The following GRID2IP variants were observed in gnomAD, a reference collection of about 807,000 sequenced individuals.
GRID2IP encodes delphilin.
Under a neutral mutation model 114.3 loss-of-function variants are expected in GRID2IP, and 78 were observed. The observed-to-expected ratio is 0.68, with a 90% CI of 0.57 to 0.82. The LOEUF is 0.82. Among genes scored for constraint, GRID2IP ranks in the 40% least tolerant of loss-of-function variants. GRID2IP has a pLI of 0.00. For synonymous variants in GRID2IP, 809 were observed against 724.0 expected (o/e 1.12, Z -1.89); for missense variants, 1,727 against 1,678.5 (o/e 1.03, Z -0.51).
intron 16 of GRID2IP, 36 bp downstream of exon 16, chr7:6,503,455 G>T: frequency 6.7e-7 from 1 of 1,482,744 alleles, no homozygotes; most frequent in East Asian, 2.6e-5. Flanking sequence ...CTGTGGAGCC[G>T]GCCGAGGCCT....
intron 15 of GRID2IP, 122 bp from the exon 16 acceptor site, chr7:6,503,809 G>A (rs1786490519): frequency 1.0e-5 from 7 of 667,320 alleles, no homozygotes; most frequent in Non-Finnish European, 1.7e-5. Context: ...TAGGGGAGAG[G>A]ACGGGGCCTT....
At chr7:6,549,232 G>C (rs1779931242) in intron 1 of GRID2IP, among the ~76,000 whole-genome samples, 1 of 152,120 alleles carries the variant, frequency 6.6e-6, no homozygotes, top group Non-Finnish European at 1.5e-5. Flanking sequence ...TGCAAATCAG[G>C]GGTTGCTTGG....
chr7:6,503,667 T>C lies in GRID2IP; in HGVS notation c.2731A>G (p.Lys911Glu). The C allele has an allele frequency of 1.3e-6, 2 of 1,508,228 alleles. No homozygotes were observed. Among genetic ancestry groups the C allele is most frequent in the Non-Finnish European group, 1.8e-6 (2 of 1,135,648 alleles). The allele number at this position is 1,508,228 out of a possible 1,614,324, so 93.4% of individuals were successfully genotyped here. A position where few individuals can be genotyped will look rare whatever the true frequency, so the allele number is the denominator to read the frequency against. Residue 911 changes from lysine to glutamate, a missense_variant, in exon 16 of 22, where the codon AAG becomes GAG. Physicochemically the swap from Lys to Glu is moderately conservative, Grantham distance 56. Coordinates refer to ENST00000457091, the MANE Select transcript of GRID2IP (RefSeq NM_001145118.2). ...YNTSILLAHL[K>E]LSPAELRQVL... ...TGGCGCAGCTCCGCGGGGCTCAGCT[T>C]CAGGTGTGCCAAGAGGATGGCTGCG... is the stretch of plus-strand genomic sequence containing the variant.
At chr7:6,543,791 A>T (rs766406908) in intron 1 of GRID2IP, among the ~76,000 whole-genome samples, 5 of 150,900 alleles carry the variant, frequency 3.3e-5, no homozygotes, top group East Asian at 3.9e-4. Flanking sequence ...ATTTAATTTT[A>T]TTATTATTAT....
At position 6,497,703 on chromosome 7, in the gene GRID2IP, G is replaced by A. The variant is rs1328642860; in HGVS notation, c.*71C>T. On this transcript the variant is annotated 3_prime_UTR_variant, in exon 22 of 22. Coordinates refer to ENST00000457091, the MANE Select transcript of GRID2IP (RefSeq NM_001145118.2). Reference sequence around the variant, plus strand: ...CCGGGGCACAGTGGCCCCGGACCTCGGCAGTGTCTGGGCTGCCCTCTCGGC... The same window carrying A: ...CCGGGGCACAGTGGCCCCGGACCTCAGCAGTGTCTGGGCTGCCCTCTCGGC... The A allele has an allele frequency of 8.5e-6, 10 of 1,181,496 alleles. No individual in the cohort carries two copies. Among genetic ancestry groups the A allele is most frequent in the African/African-American group, 1.5e-5 (1 of 65,266 alleles). 73.2% of individuals were successfully genotyped at this position (1,181,496 alleles called of 1,614,324 possible).
Position 6,502,856 on chromosome 7 carries a change from C to G in GRID2IP, c.3080G>C (p.Gly1027Ala), listed in dbSNP as rs1196556738. 1 of 1,551,770 alleles carries G rather than the reference C, an allele frequency of 6.4e-7. No individual in the cohort carries two copies. The highest frequency in any genetic ancestry group is 8.7e-7 in the Non-Finnish European group (1 of 1,146,820). Residue 1027 changes from glycine to alanine, a missense_variant, in exon 18 of 22, where the codon GGC becomes GCC. Physicochemically the swap from Gly to Ala is moderately conservative, Grantham distance 60. Coordinates refer to ENST00000457091, the MANE Select transcript of GRID2IP (RefSeq NM_001145118.2). ...GGGCTGTCCATCGTTGAGATAGTTG[C>G]CCATGGCCAACACAAACTGTGGACA... ...AKILEFVLAM[G>A]NYLNDGQPKT...
intron 1 of GRID2IP, among the ~76,000 whole-genome samples, chr7:6,546,335 C>A (rs1400929713): frequency 6.6e-6 from 1 of 150,940 alleles, no homozygotes; most frequent in Non-Finnish European, 1.5e-5. Flanking sequence ...CCTCGGCCTC[C>A]CAAAGTGCTG....
chr7:6,507,761 A>G lies in GRID2IP; in HGVS notation c.2544+224T>C, dbSNP rs1786636312. Among the ~76,000 whole-genome samples, 1 of 152,216 alleles carries G rather than the reference A, an allele frequency of 6.6e-6. No individual in the cohort carries two copies. The highest frequency in any genetic ancestry group is 1.5e-5 in the Non-Finnish European group (1 of 68,044). ...CAAGGATGGGTAGGGTGGCATTTCCAGGTGTCCCCAGTGTGTGTCTTTGGC... is the reference window on the plus strand; with the variant it reads ...CAAGGATGGGTAGGGTGGCATTTCCGGGTGTCCCCAGTGTGTGTCTTTGGC... On this transcript the variant is annotated intron_variant, in intron 13 of 21. Coordinates refer to ENST00000457091, the MANE Select transcript of GRID2IP (RefSeq NM_001145118.2). The surrounding 1 kb of genome is among the most constrained non-coding windows in gnomAD (Gnocchi z 5.3).
intron 1 of GRID2IP, among the ~76,000 whole-genome samples, chr7:6,542,406 T>C (rs1310643251): frequency 6.6e-6 from 1 of 151,492 alleles, no homozygotes; most frequent in African/African-American, 2.4e-5. Context: ...GTAATCCCAG[T>C]GCTTAGGGAG....
intron 1 of GRID2IP, among the ~76,000 whole-genome samples, chr7:6,543,337 C>T (rs1779841239): frequency 1.3e-5 from 2 of 151,452 alleles, no homozygotes; most frequent in South Asian, 4.2e-4. Flanking sequence ...GCGGAGGTTG[C>T]AGTGAGCCAA....
rs951550360 is a variant in GRID2IP at position 6,498,046 on chromosome 7, G to T, written c.3564+18C>A. 1 of 1,532,888 alleles carries T rather than the reference G, an allele frequency of 6.5e-7. No homozygotes were observed. The allele number at this position is 1,532,888 out of a possible 1,614,324, so 95.0% of individuals were successfully genotyped here. ...CCACCTCTCCAAAAGGGCCCCTCAG[G>T]GCTCCAGCGAGGCTCACCTCGAATT... On this transcript the variant is annotated intron_variant, in intron 21 of 21. Transcript: ENST00000457091.
In GRID2IP at chr7:6,498,242, G is replaced by GT; in HGVS notation, c.3400-15dup. 6.5e-7 allele frequency: 1 copy of GT among 1,529,160 alleles called. No homozygotes were observed. The highest frequency in any genetic ancestry group is 1.2e-5 in the South Asian group (1 of 81,176). 94.7% of individuals were successfully genotyped at this position (1,529,160 alleles called of 1,614,324 possible). On this transcript the variant is annotated splice_polypyrimidine_tract_variant and intron_variant, in intron 20 of 21. Transcript: ENST00000457091. ...CTCCAGGAAGGACTGACAGGCCTCA[G>GT]TTAAGGAAACAGCCAGCCCGCTTGT...
In GRID2IP at chr7:6,536,403, G is replaced by C. The variant is rs937615667; in HGVS notation, c.584+3315C>G. 6.6e-6 allele frequency among the ~76,000 whole-genome samples: 1 copy of C among 152,246 alleles called. No homozygotes were observed. Among genetic ancestry groups the C allele is most frequent in the African/African-American group, 2.4e-5 (1 of 41,470 alleles). ...CAGGCTCTAAATCGAGCGCGCCCAA[G>C]GGGGTTCCCCCTCCCGCGCCCTGCC... On this transcript the variant is annotated intron_variant, in intron 2 of 21. Coordinates refer to ENST00000457091, the MANE Select transcript of GRID2IP (RefSeq NM_001145118.2). The surrounding 1 kb of genome is among the most constrained non-coding windows in gnomAD (Gnocchi z 5.3).
chr7:6,551,028 C>T lies in GRID2IP; in HGVS notation c.409G>A (p.Ala137Thr). 1.7e-6 allele frequency: 2 copies of T among 1,205,016 alleles called. No individual in the cohort carries two copies. Among genetic ancestry groups the T allele is most frequent in the Non-Finnish European group, 2.1e-6 (2 of 971,458 alleles). 74.6% of individuals were successfully genotyped at this position (1,205,016 alleles called of 1,614,324 possible). Residue 137 changes from alanine to threonine, a missense_variant, in exon 1 of 22, where the codon GCC (alanine) becomes ACC (threonine). By Grantham distance (58) the Ala-to-Thr change is moderately conservative. Transcript: ENST00000457091. ...CTTACCTTGCGGCTGAACTCTTGGG[C>T]CTTGCGCCTGCGCTCTCGGTGCACC... ...DAVHRERRRK[A>T]QEFSRKVDEI...
At position 6,513,171 on chromosome 7, in the gene GRID2IP, C is replaced by T. The variant is rs577370117; in HGVS notation, c.1423+1204G>A. On this transcript the variant is annotated intron_variant, in intron 8 of 21. Transcript: ENST00000457091. ...GCCCACCAGCCAGGTGGGATGTGGTCGTGTGCTCATGATCCTGGTGGTGGT... is the reference window on the plus strand; with the variant it reads ...GCCCACCAGCCAGGTGGGATGTGGTTGTGTGCTCATGATCCTGGTGGTGGT... 8.8e-4 allele frequency among the ~76,000 whole-genome samples: 134 copies of T among 152,164 alleles called. No homozygotes were observed. In the Middle Eastern group the frequency reaches 0.014, roughly 16 times the overall value.
rs770204733 is a variant in GRID2IP, at chr7:6,534,445, C to T, written c.584+5273G>A. Among the ~76,000 whole-genome samples, 2 of 152,180 alleles carry T rather than the reference C, an allele frequency of 1.3e-5. No individual in the cohort carries two copies. Among genetic ancestry groups the T allele is most frequent in the African/African-American group, 2.4e-5 (1 of 41,460 alleles). On this transcript the variant is annotated intron_variant, in intron 2 of 21. Transcript: ENST00000457091. The surrounding 1 kb of genome is among the most constrained non-coding windows in gnomAD (Gnocchi z 4.5). ...ACCGGGGTCCCTTTGGGGAGAGACC[C>T]AAATTAGCCTCCCAGTCGCAGGATT... is the stretch of plus-strand genomic sequence containing the variant.
chr7:6,512,231 CTT>C (rs1002835555), intron 8 of GRID2IP, among the ~76,000 whole-genome samples: 20 of 90,196 alleles, frequency 2.2e-4, no homozygotes, highest in African/African-American at 3.2e-4. Context: ...TTCTTTTCTT[CTT>C]TTTTTTTTTT....
chr7:6,528,941 C>T lies in GRID2IP; in HGVS notation c.585-2172G>A, dbSNP rs1779566336. Among the ~76,000 whole-genome samples the T allele has an allele frequency of 6.6e-6, 1 of 152,188 alleles. No homozygotes were observed. Among genetic ancestry groups the T allele is most frequent in the South Asian group, 2.1e-4 (1 of 4,824 alleles). On this transcript the variant is annotated intron_variant, in intron 2 of 21. Transcript: ENST00000457091. This position sits in a 1 kb window ranked among gnomAD's most constrained non-coding sequence, Gnocchi z 6.0. ...ATTTAAGGTCTCCAGAGCCTGACCG[C>T]TCCATCTGCCAGGCCTGCACATTCC...
At position 6,501,771 on chromosome 7, in the gene GRID2IP, C is replaced by T. The variant is rs1427683735; in HGVS notation, c.3399+10G>A. The T allele has an allele frequency of 1.3e-6, 2 of 1,543,264 alleles. No homozygotes were observed. The highest frequency in any genetic ancestry group is 1.4e-5 in the African/African-American group (1 of 73,062). The stretch of plus-strand genomic sequence containing the variant: ...CAGCCTGGTGCAGGAACAGGCTGCT[C>T]AGAGGATGCCGACATGACCATTGCA... On this transcript the variant is annotated intron_variant, in intron 20 of 21. Coordinates refer to ENST00000457091, the MANE Select transcript of GRID2IP (RefSeq NM_001145118.2).
Sources: allele counts gnomAD v4.1 joint callset (sites outside exome capture counted in the v4.1 genomes callset), GRCh38; gene constraint gnomAD v4.1.1; non-coding constraint Gnocchi (gnomAD v3.1); transcripts MANE v1.5; gene names NCBI Gene and HGNC (gene_info 2026-07-23, HGNC 2026-07-21).